The following SEMA5B variants were observed in gnomAD, a reference collection of about 807,000 sequenced individuals.
The protein encoded by SEMA5B is semaphorin-5B.
SEMA5B carries 66 observed loss-of-function variants against 135.0 expected under a neutral mutation model. That is an observed-to-expected ratio of 0.49 (90% CI 0.40 to 0.60). The LOEUF is 0.60. SEMA5B is among the 20% of genes least tolerant of loss of function. SEMA5B has a pLI of 0.00. For synonymous variants in SEMA5B, 690 were observed against 639.5 expected, an observed-to-expected ratio of 1.08 and a Z score of -1.19; for missense variants, 1,501 against 1,566.3, an observed-to-expected ratio of 0.96 and a Z score of 0.70.
At chr3:122,984,338 C>G (rs371424944) in intron 1 of SEMA5B, among the ~76,000 whole-genome samples, 3 of 152,350 alleles carry the variant, frequency 2.0e-5, no homozygotes, top group Admixed American at 6.5e-5. Flanking sequence ...GAGGTCCTCC[C>G]ACTAACCCTA....
In SEMA5B at chr3:122,910,964, G is replaced by A. The variant is rs1227979791; in HGVS notation, c.3173C>T (p.Ser1058Phe). 1 of 1,614,008 alleles carries A rather than the reference G, an allele frequency of 6.2e-7. No individual in the cohort carries two copies. Among genetic ancestry groups the A allele is most frequent in the East Asian group, 2.2e-5 (1 of 44,876 alleles). ...SGLLTLAVYL[S>F]CQHCQRQSQE... ...GGACTGACGCTGGCAGTGCTGGCAA[G>A]ACAGGTACACTGCTAGGGTCAGGAG... The change falls in exon 22 of 23, where the codon TCT becomes TTT. Residue 1058 changes from serine to phenylalanine, a missense_variant. This residue lies in a region of SEMA5B where 927 missense variants were observed against 881.6 expected (regional missense o/e 1.05). Coordinates refer to ENST00000357599, the MANE Select transcript of SEMA5B (RefSeq NM_001031702.4).
chr3:122,977,154 T>C (rs764622196), intron 1 of SEMA5B, among the ~76,000 whole-genome samples: 31 of 151,976 alleles, frequency 2.0e-4, no homozygotes, highest in Admixed American at 4.6e-4. Flanking sequence ...TGCTATGAAA[T>C]GAGGAGGAGG....
chr3:123,009,418 A>G (rs1942386677), intron 1 of SEMA5B, among the ~76,000 whole-genome samples: 1 of 152,172 alleles, frequency 6.6e-6, no homozygotes, highest in South Asian at 2.1e-4. Flanking sequence ...CATCAGGGAT[A>G]AACACAGAGA....
At chr3:122,923,787 C>T in intron 9 of SEMA5B, 35 bp from the exon 10 acceptor site, 2 of 1,612,938 alleles carry the variant, frequency 1.2e-6, no homozygotes, top group Non-Finnish European at 1.7e-6. Flanking sequence ...AGGGCCCTCC[C>T]TGTAAGACCT....
At position 123,027,448 on chromosome 3, in the gene SEMA5B, G is replaced by A. The variant is rs1390689741; in HGVS notation, c.-39+16C>T. On this transcript the variant is annotated intron_variant, in intron 1 of 22. Coordinates refer to ENST00000357599, the MANE Select transcript of SEMA5B (RefSeq NM_001031702.4). ...CAACCCGCGCAGGGGAAGCGCCCGG[G>A]GCTCCCGGGACTCACCTCCCAGAGG... 6.6e-6 allele frequency: 1 copy of A among 152,338 alleles called. No individual in the cohort carries two copies. The highest frequency in any genetic ancestry group is 2.4e-5 in the African/African-American group (1 of 41,474). The allele number at this position is 152,338 out of a possible 1,614,324, so 9.4% of individuals were successfully genotyped here. A position where few individuals can be genotyped will look rare whatever the true frequency, so the allele number is the denominator to read the frequency against.
At chr3:122,933,426 T>C (rs150626594) in intron 5 of SEMA5B, among the ~76,000 whole-genome samples, 191 of 152,300 alleles carry the variant, frequency 1.3e-3, no homozygotes, top group African/African-American at 4.4e-3. Flanking sequence ...AGCATTGCTA[T>C]TGAGGACTCT....
chr3:122,937,340 C>T (rs1939342693), intron 5 of SEMA5B, among the ~76,000 whole-genome samples: 1 of 152,198 alleles, frequency 6.6e-6, no homozygotes, highest in Non-Finnish European at 1.5e-5. Context: ...CCTCACCAGG[C>T]CAGACAACAG....
At chr3:122,926,739 C>T (rs1238736922) in intron 8 of SEMA5B, 62 bp from the exon 9 acceptor site, 88 of 1,570,284 alleles carry the variant, frequency 5.6e-5, no homozygotes, top group Non-Finnish European at 3.5e-5. Flanking sequence ...ATGGCAGAGT[C>T]GGGAGGACTC....
intron 5 of SEMA5B, among the ~76,000 whole-genome samples, chr3:122,929,873 G>C (rs111351938): frequency 3.8e-4 from 58 of 152,306 alleles, no homozygotes; most frequent in African/African-American, 1.4e-3. Context: ...CCCAACCCAG[G>C]ATCTCTTCTT....
intron 5 of SEMA5B, 80 bp from the exon 6 acceptor site, chr3:122,929,138 C>A: frequency 5.0e-6 from 7 of 1,403,970 alleles, no homozygotes; most frequent in Non-Finnish European, 6.9e-6. Context: ...CAGGCAGCAG[C>A]CAGTGTCGGG....
At position 122,945,881 on chromosome 3, in the gene SEMA5B, C is replaced by A. The variant is rs532906741; in HGVS notation, c.329-2346G>T. On this transcript the variant is annotated intron_variant, in intron 3 of 22. Coordinates refer to ENST00000357599, the MANE Select transcript of SEMA5B (RefSeq NM_001031702.4). Reference sequence around the variant, plus strand: ...GTGGCCTCTTCCAGTTTCCGTCCCTCTCCCAGTAGCCCTCACCCACATGGG... The same window carrying A: ...GTGGCCTCTTCCAGTTTCCGTCCCTATCCCAGTAGCCCTCACCCACATGGG... Among the ~76,000 whole-genome samples the A allele has an allele frequency of 2.6e-3, 395 of 150,546 alleles. 7 individuals are homozygous for A. Among genetic ancestry groups the A allele is most frequent in the Non-Finnish European group, 2.7e-3 (185 of 67,974 alleles).
intron 2 of SEMA5B, among the ~76,000 whole-genome samples, chr3:122,953,001 C>T (rs1298977384): frequency 6.6e-6 from 1 of 152,226 alleles, no homozygotes; most frequent in East Asian, 1.9e-4. Flanking sequence ...CTTCCTACAC[C>T]TTTGTAAACA....
intron 1 of SEMA5B, among the ~76,000 whole-genome samples, chr3:122,962,407 G>A (rs1418247461): frequency 2.0e-5 from 3 of 152,196 alleles, no homozygotes; most frequent in African/African-American, 4.8e-5. Context: ...CAGGCCCGGC[G>A]GGTGGTGGAG....
rs542990285 is a variant in SEMA5B, at chr3:123,023,088, C to T, written c.-39+4376G>A. 4.3e-4 allele frequency among the ~76,000 whole-genome samples: 65 copies of T among 152,206 alleles called. 1 individual carries two copies. The South Asian group carries it at 0.013, about 30-fold the overall frequency. ...GAGGGGGGTTTGCAAAAGTATAGCACGATGCCAGTGAAAAATCCAGGTGTT... is the reference window on the plus strand; with the variant it reads ...GAGGGGGGTTTGCAAAAGTATAGCATGATGCCAGTGAAAAATCCAGGTGTT... On this transcript the variant is annotated intron_variant, in intron 1 of 22. Transcript: ENST00000357599.
At chr3:122,977,645 A>G (rs1941378151) in intron 1 of SEMA5B, among the ~76,000 whole-genome samples, 1 of 152,236 alleles carries the variant, frequency 6.6e-6, no homozygotes, top group Admixed American at 6.5e-5. Flanking sequence ...AAAAACATCC[A>G]GAATAATGTC....
chr3:122,973,696 G>T (rs1028720761), intron 1 of SEMA5B, among the ~76,000 whole-genome samples: 3 of 152,130 alleles, frequency 2.0e-5, no homozygotes, highest in Non-Finnish European at 4.4e-5. Context: ...TGCAAACTTG[G>T]GGGGTTGTAG....
At chr3:122,914,682 C>T (rs1242523482) in intron 14 of SEMA5B, among the ~76,000 whole-genome samples, 1 of 151,960 alleles carries the variant, frequency 6.6e-6, no homozygotes, top group African/African-American at 2.4e-5. Flanking sequence ...GCCTGTAATC[C>T]CAGAGCTTTG....
At position 122,961,184 on chromosome 3, in the gene SEMA5B, C is replaced by G. The variant is rs748797452; in HGVS notation, c.80G>C (p.Arg27Thr). 1 of 1,613,836 alleles carries G rather than the reference C, an allele frequency of 6.2e-7. No individual in the cohort carries two copies. The highest frequency in any genetic ancestry group is 1.1e-5 in the South Asian group (1 of 91,040). ...GPPDTPAQQL[R>T]CGWTVGGWLL... is the part of the protein sequence containing the mutation. ...CCAGCCCCCTACTGTCCATCCACAC[C>G]TTAGCTGTTGGGCTGGGGTATCAGG... The change falls in exon 2 of 23, where the codon AGG (arginine) becomes ACG (threonine). Residue 27 changes from arginine (R) to threonine (T), a missense_variant. This residue lies in a region of SEMA5B where 574 missense variants were observed against 684.7 expected (regional missense o/e 0.84). Coordinates refer to ENST00000357599, the MANE Select transcript of SEMA5B (RefSeq NM_001031702.4).
intron 1 of SEMA5B, among the ~76,000 whole-genome samples, chr3:123,026,310 C>A (rs1942797838): frequency 6.6e-6 from 1 of 152,234 alleles, no homozygotes; most frequent in Non-Finnish European, 1.5e-5. Flanking sequence ...TCTCACCCCG[C>A]CCCTCTGCAG....
Sources: allele counts gnomAD v4.1 joint callset (sites outside exome capture counted in the v4.1 genomes callset), GRCh38; gene constraint gnomAD v4.1.1; regional missense constraint gnomAD v4.1.1; transcripts MANE v1.5; gene names NCBI Gene and HGNC (gene_info 2026-07-23, HGNC 2026-07-21).